The following STX8 variants were observed in gnomAD, a reference collection of about 807,000 sequenced individuals.
STX8 encodes syntaxin 8, also known as syntaxin-8.
A neutral mutation model predicts 37.5 loss-of-function variants in STX8; 23 were observed. That is an observed-to-expected ratio of 0.61 (90% confidence interval 0.44 to 0.87). The LOEUF (loss-of-function observed/expected upper bound fraction) is 0.87. Among genes scored for constraint, STX8 ranks in the 40% least tolerant of loss-of-function variants. The pLI is 0.00. For missense variants in STX8, 313 were observed against 284.7 expected (o/e 1.10, Z -0.71); for synonymous variants, 115 against 99.1 (o/e 1.16, Z -0.95).
rs1030671933 is a variant in STX8, at chr17:9,250,545, C to T, written c.*33G>A. The T allele has an allele frequency of 1.9e-6, 3 of 1,565,880 alleles. No individual in the cohort carries two copies. Among genetic ancestry groups the T allele is most frequent in the Non-Finnish European group, 2.6e-6 (3 of 1,152,438 alleles). On this transcript the variant is annotated 3_prime_UTR_variant, in exon 8 of 8. Coordinates refer to ENST00000306357, the MANE Select transcript of STX8 (RefSeq NM_004853.3). ...GTGTTGGGCTTGCATCTGTCATTGG[C>T]AGGTGTCACTGCTGGTGGTCTCTTT...
At chr17:9,426,292 C>A (rs1913626250) in intron 6 of STX8, among the ~76,000 whole-genome samples, 1 of 152,112 alleles carries the variant, frequency 6.6e-6, no homozygotes, top group Non-Finnish European at 1.5e-5. Context: ...TTCGGGAGGC[C>A]AAGGTGGGTG....
At chr17:9,294,059 C>G (rs1383386040) in intron 7 of STX8, among the ~76,000 whole-genome samples, 1 of 152,186 alleles carries the variant, frequency 6.6e-6, no homozygotes, top group Non-Finnish European at 1.5e-5. Flanking sequence ...GCCACTGCCC[C>G]TGGCCCAAGT....
At chr17:9,532,180 G>A (rs566810540) in intron 4 of STX8, among the ~76,000 whole-genome samples, 6 of 151,522 alleles carry the variant, frequency 4.0e-5, no homozygotes, top group African/African-American at 7.3e-5. Flanking sequence ...AAAAAAATCC[G>A]GACTAAGTAG....
At chr17:9,542,519 T>C (rs1302138724) in intron 4 of STX8, among the ~76,000 whole-genome samples, 9 of 145,600 alleles carry the variant, frequency 6.2e-5, no homozygotes, top group Admixed American at 2.1e-4. Context: ...CTACTAAAAA[T>C]ACAAAAAATT....
intron 6 of STX8, among the ~76,000 whole-genome samples, chr17:9,418,610 T>C (rs945095439): frequency 6.7e-6 from 1 of 150,142 alleles, no homozygotes; most frequent in Non-Finnish European, 1.5e-5. Context: ...AGGCGGATCA[T>C]GAGATCAGGA....
At chr17:9,374,236 C>T (rs770621025) in intron 7 of STX8, among the ~76,000 whole-genome samples, 26 of 152,158 alleles carry the variant, frequency 1.7e-4, no homozygotes, top group Non-Finnish European at 3.1e-4. Context: ...CGTGTACCAC[C>T]ACGCCTGGCT....
At chr17:9,380,614 A>C (rs1911765258) in intron 6 of STX8, among the ~76,000 whole-genome samples, 1 of 151,608 alleles carries the variant, frequency 6.6e-6, no homozygotes, top group African/African-American at 2.4e-5. Flanking sequence ...TCGATGACCG[A>C]CCACATCTAC....
intron 7 of STX8, among the ~76,000 whole-genome samples, chr17:9,286,675 A>G (rs1908083650): frequency 6.7e-6 from 1 of 150,040 alleles, no homozygotes; most frequent in African/African-American, 2.5e-5. Flanking sequence ...GCTTCAGGGA[A>G]CAAAGGGAAG....
chr17:9,471,031 C>CCTTTTTTT (rs1905834920), intron 6 of STX8, among the ~76,000 whole-genome samples: 1 of 33,054 alleles, frequency 3.0e-5, no homozygotes, highest in Non-Finnish European at 5.5e-5. Flanking sequence ...CTGCATCCTG[C>CCTTTTTTT]TTTTTTTTTT....
chr17:9,564,001 C>T (rs574014235), intron 2 of STX8, among the ~76,000 whole-genome samples: 2 of 152,282 alleles, frequency 1.3e-5, no homozygotes, highest in Non-Finnish European at 2.9e-5. Context: ...ACATGATTAT[C>T]TCAATAGAAG....
chr17:9,260,128 C>A (rs1906954646), intron 7 of STX8, among the ~76,000 whole-genome samples: 2 of 151,930 alleles, frequency 1.3e-5, no homozygotes, highest in South Asian at 4.2e-4. Context: ...AGAATAAAGC[C>A]TGGGCAACAA....
At chr17:9,557,896 G>A (rs756192360) in intron 2 of STX8, among the ~76,000 whole-genome samples, 2 of 152,122 alleles carry the variant, frequency 1.3e-5, no homozygotes, top group East Asian at 1.9e-4. Context: ...TGTGTTCCCC[G>A]AGTCTTCATT....
In STX8 at chr17:9,255,527, A is replaced by AAAAT. The variant is rs1202028600; in HGVS notation, c.644-4886_644-4883dup. Among the ~76,000 whole-genome samples, 380 of 138,664 alleles carry AAAAT rather than the reference A, an allele frequency of 2.7e-3. 3 individuals carry two copies. The highest frequency in any genetic ancestry group is 0.012 in the South Asian group (47 of 4,024). 91.0% of individuals were successfully genotyped at this position (138,664 alleles called of 152,430 possible). ...GGGCAACAGAGCAAGACTCCATCTC[A>AAAAT]AAATAAATAAATAAATAAATAAATA... On this transcript the variant is annotated intron_variant, in intron 7 of 7. Transcript: ENST00000306357.
rs561967525 is a variant in STX8 at position 9,502,715 on chromosome 17, C to G, written c.448+2323G>C. Reference sequence around the variant, plus strand: ...TAATAGCAGCTTTCTTTGTAACAGTCAAAAACTGAAAACCACCCAAATATT... The same window carrying G: ...TAATAGCAGCTTTCTTTGTAACAGTGAAAAACTGAAAACCACCCAAATATT... On this transcript the variant is annotated intron_variant, in intron 5 of 7. Transcript: ENST00000306357. 2.0e-5 allele frequency among the ~76,000 whole-genome samples: 3 copies of G among 152,170 alleles called. No homozygotes were observed. The East Asian group carries it at 5.8e-4, about 29-fold the overall frequency.
chr17:9,544,853 A>G (rs1368751969), intron 4 of STX8, among the ~76,000 whole-genome samples: 2 of 151,920 alleles, frequency 1.3e-5, no homozygotes, highest in Admixed American at 1.3e-4. Flanking sequence ...TTAGTCGGGC[A>G]CGGTGGCGGT....
At chr17:9,418,622 A>T (rs1191179700) in intron 6 of STX8, among the ~76,000 whole-genome samples, 3 of 151,168 alleles carry the variant, frequency 2.0e-5, no homozygotes, top group African/African-American at 4.9e-5. Flanking sequence ...AGATCAGGAG[A>T]TCGAGACCAT....
chr17:9,488,462 T>G (rs1222667237), intron 6 of STX8, among the ~76,000 whole-genome samples: 5 of 152,148 alleles, frequency 3.3e-5, no homozygotes, highest in Non-Finnish European at 7.3e-5. Context: ...TATGGGTTGC[T>G]CATCAGCTGA....
At chr17:9,544,965 A>C (rs1452262863) in intron 4 of STX8, among the ~76,000 whole-genome samples, 1 of 152,228 alleles carries the variant, frequency 6.6e-6, no homozygotes, top group Non-Finnish European at 1.5e-5. Flanking sequence ...ACTGCACTCC[A>C]GCCTGGGTGA....
At chr17:9,288,157 A>T (rs1441243167) in intron 7 of STX8, among the ~76,000 whole-genome samples, 6 of 144,252 alleles carry the variant, frequency 4.2e-5, no homozygotes, top group African/African-American at 7.6e-5. Flanking sequence ...AAAAAAAACC[A>T]AAAACAAAAA....
Sources: allele counts gnomAD v4.1 joint callset (sites outside exome capture counted in the v4.1 genomes callset), GRCh38; gene constraint gnomAD v4.1.1; transcripts MANE v1.5; gene names NCBI Gene and HGNC (gene_info 2026-07-23, HGNC 2026-07-21).